DRC11L: variants seen among roughly 807,000 people sequenced by gnomAD.
DRC11L encodes the protein dynein regulatory complex subunit like-11.
chr7:151,204,046 T>C, the DRC11L span, among the ~76,000 whole-genome samples: 1 of 152,266 alleles, frequency 6.6e-6, no homozygotes, highest in African/African-American at 2.4e-5. Flanking sequence ...AAAATGCAGG[T>C]GCAGATTTAG....
chr7:151,195,314 A>G, the DRC11L span: 2 of 397,994 alleles, frequency 5.0e-6, no homozygotes, highest in Non-Finnish European at 8.9e-6. Flanking sequence ...CAGAGAGGGA[A>G]AGCGACTTTC....
chr7:151,193,285 C>G, the DRC11L span: 1 of 399,374 alleles, frequency 2.5e-6, no homozygotes. Flanking sequence ...GCTGGGGGCT[C>G]CGGACCTTAA....
chr7:151,197,224 T>C, the DRC11L span: 1 of 399,584 alleles, frequency 2.5e-6, no homozygotes. Context: ...GGCCTTTTCT[T>C]CCTTTCCTTT....
At chr7:151,194,487 G>A in the DRC11L span, 8 of 399,054 alleles carry the variant, frequency 2.0e-5, no homozygotes, top group East Asian at 2.5e-4. Context: ...GCCACAGAGT[G>A]GGAACAGGCA....
the DRC11L span, among the ~76,000 whole-genome samples, chr7:151,200,153 A>G: frequency 6.6e-6 from 1 of 152,192 alleles, no homozygotes; most frequent in Non-Finnish European, 1.5e-5. Context: ...TCATGGCTCC[A>G]CAGGTGAGCT....
At chr7:151,197,664 C>T in the DRC11L span, among the ~76,000 whole-genome samples, 1 of 152,222 alleles carries the variant, frequency 6.6e-6, no homozygotes, top group Non-Finnish European at 1.5e-5. Context: ...CTGCTCCTTG[C>T]TCCTCTTCCC....
the DRC11L span, chr7:151,193,174 C>G: frequency 2.5e-6 from 1 of 398,094 alleles, no homozygotes; most frequent in Non-Finnish European, 4.4e-6. Flanking sequence ...GAGACCTCAC[C>G]AGTTCAGCAC....
At chr7:151,196,800 C>T in the DRC11L span, among the ~76,000 whole-genome samples, 4 of 152,204 alleles carry the variant, frequency 2.6e-5, no homozygotes, top group African/African-American at 4.8e-5. Context: ...AAATCTGTAA[C>T]GCCCCCACCC....
At chr7:151,194,853 G>A in the DRC11L span, among the ~76,000 whole-genome samples, 1 of 152,234 alleles carries the variant, frequency 6.6e-6, no homozygotes, top group Non-Finnish European at 1.5e-5. Flanking sequence ...GAGGGGGACA[G>A]GGGCCTCTGT....
the DRC11L span, chr7:151,190,980 T>C: frequency 2.5e-6 from 1 of 400,276 alleles, no homozygotes; most frequent in Non-Finnish European, 4.4e-6. Flanking sequence ...GCCTTAGCCA[T>C]CACTTCCTTT....
At chr7:151,200,267 C>T in the DRC11L span, 1 of 398,836 alleles carries the variant, frequency 2.5e-6, no homozygotes, top group Non-Finnish European at 4.4e-6. Context: ...TTCACCTGGC[C>T]TGAGTGGAGA....
At chr7:151,192,112 G>A in the DRC11L span, among the ~76,000 whole-genome samples, 4 of 152,180 alleles carry the variant, frequency 2.6e-5, no homozygotes, top group South Asian at 2.1e-4. Flanking sequence ...ACCTGCTCGC[G>A]TCCACAGAGC....
chr7:151,201,468 G>A, the DRC11L span, among the ~76,000 whole-genome samples: 3 of 152,174 alleles, frequency 2.0e-5, no homozygotes, highest in Non-Finnish European at 2.9e-5. The surrounding 1 kb of genome is among the most constrained non-coding windows in gnomAD (Gnocchi z 4.1). Context: ...CCCTGCTGTC[G>A]AGAACCTCCT....
chr7:151,204,408 G>A, the DRC11L span: 1 of 230,362 alleles, frequency 4.3e-6, no homozygotes, highest in Middle Eastern at 1.3e-3. Context: ...AAGCTGGCCA[G>A]GGCGTGGCTC....
chr7:151,191,947 A>T, the DRC11L span: 1 of 398,990 alleles, frequency 2.5e-6, no homozygotes, highest in Non-Finnish European at 4.4e-6. Flanking sequence ...AGGCCTGAGC[A>T]GCCCCCGCCT....
the DRC11L span, chr7:151,195,290 C>T: frequency 3.0e-5 from 12 of 397,174 alleles, no homozygotes; most frequent in South Asian, 1.4e-4. Flanking sequence ...ACTTGGTGAA[C>T]GAGGCCAGGG....
chr7:151,199,989 C>T, the DRC11L span, among the ~76,000 whole-genome samples: 2 of 152,244 alleles, frequency 1.3e-5, no homozygotes, highest in Non-Finnish European at 2.9e-5. This position sits in a 1 kb window ranked among gnomAD's most constrained non-coding sequence, Gnocchi z 5.2. Flanking sequence ...CCCAACACAG[C>T]CCCTGGTGTC....
the DRC11L span, chr7:151,194,728 C>T: frequency 5.1e-6 from 2 of 394,296 alleles, no homozygotes; most frequent in Non-Finnish European, 8.9e-6. Flanking sequence ...TCCTGTACAA[C>T]ATTCTGTGGT....
chr7:151,196,579 C>G, the DRC11L span: 1 of 399,558 alleles, frequency 2.5e-6, no homozygotes, highest in Non-Finnish European at 4.4e-6. Flanking sequence ...TGGATGGATG[C>G]GTGAAGGTCA....
Sources: gnomAD v4.1 joint callset for allele counts (sites outside exome capture counted in the v4.1 genomes callset) on GRCh38, gnomAD v4.1.1 for gene constraint, Gnocchi (gnomAD v3.1) non-coding constraint, MANE v1.5 for transcripts, NCBI Gene and HGNC (gene_info 2026-07-23, HGNC 2026-07-21) for gene names.